PRDM7: variants seen among roughly 807,000 people sequenced by gnomAD.
PRDM7 encodes the protein PR/SET domain 7.
In PRDM7, 52 loss-of-function variants were observed where a neutral mutation model predicts 64.3. The observed-to-expected ratio is 0.81, with a 90% CI of 0.65 to 1.02. The LOEUF (loss-of-function observed/expected upper bound fraction) is 1.02. Among genes scored for constraint, PRDM7 ranks in the 50% least tolerant of loss-of-function variants. The pLI is 0.00. For missense variants in PRDM7, 574 were observed against 597.1 expected, an observed-to-expected ratio of 0.96 and a Z score of 0.40; for synonymous variants, 192 against 210.1, an observed-to-expected ratio of 0.91 and a Z score of 0.74.
chr16:90,060,751 C>A (rs2037762215), intron 9 of PRDM7, 128 bp from the exon 10 acceptor site: 1 of 1,325,770 alleles, frequency 7.5e-7, no homozygotes, highest in Admixed American at 1.8e-5. Context: ...CAAAGCCCAA[C>A]TCCAGACTTA....
In PRDM7 at chr16:90,058,379, C is replaced by T; in HGVS notation, c.1389G>A (p.Gly463=). Residue 463 remains glycine (G), a synonymous_variant, in exon 11 of 11, where the codon GGG becomes GGA. Transcript: ENST00000449207. ...GAATATTGCCGCTCCTGATTCTGAT[C>T]CCCTGGGCAGGGATTCTCTGGTTGG... is the stretch of plus-strand genomic sequence containing the variant. ...NFSNQRIPAQ[G]IRIRSGNILI... is the part of the protein sequence containing the mutation. The T allele has an allele frequency of 6.2e-7, 1 of 1,614,176 alleles. No individual in the cohort carries two copies. The highest frequency in any genetic ancestry group is 8.5e-7 in the Non-Finnish European group (1 of 1,180,042).
chr16:90,057,587 C>T lies in PRDM7; in HGVS notation c.*702G>A, dbSNP rs937097059. 8 of 576,204 alleles carry T rather than the reference C, an allele frequency of 1.4e-5. No homozygotes were observed. The African/African-American group carries it at 1.6e-4, about 11-fold the overall frequency. 35.7% of individuals were successfully genotyped at this position (576,204 alleles called of 1,614,324 possible). ...GCAAAACACAAAAAATGGAGGGGATCAGTGCGGGAAACAACCACACATGTT... is the reference window on the plus strand; with the variant it reads ...GCAAAACACAAAAAATGGAGGGGATTAGTGCGGGAAACAACCACACATGTT... On this transcript the variant is annotated 3_prime_UTR_variant, in exon 11 of 11. Transcript: ENST00000449207.
At chr16:90,074,096 T>C (rs1170937481) in intron 4 of PRDM7, among the ~76,000 whole-genome samples, 1 of 151,742 alleles carries the variant, frequency 6.6e-6, no homozygotes, top group Non-Finnish European at 1.5e-5. Flanking sequence ...AGGAGGTCAC[T>C]TCTAAATCTT....
At chr16:90,073,386 T>A (rs560236520) in intron 4 of PRDM7, among the ~76,000 whole-genome samples, 48 of 152,034 alleles carry the variant, frequency 3.2e-4, no homozygotes, top group South Asian at 2.1e-3. Context: ...TTCTTTTTTT[T>A]AAAAAAAGAA....
chr16:90,075,906 C>T lies in PRDM7; in HGVS notation c.5G>A (p.Ser2Asn), dbSNP rs780452772. The change falls in exon 2 of 11, where the codon AGC becomes AAC. Residue 2 changes from serine (S) to asparagine (N), a missense_variant. Coordinates refer to ENST00000449207, the MANE Select transcript of PRDM7 (RefSeq NM_001098173.2). This position sits in a 1 kb window ranked among gnomAD's most constrained non-coding sequence, Gnocchi z 4.3. ...GCTCTCCTCTTGGGACCTTTCAGGG[C>T]TCATGGTGCTGGGACTGTCTAGAAG... M[S>N]PERSQEESPE... 38 of 1,613,674 alleles carry T rather than the reference C, an allele frequency of 2.4e-5. 1 individual carries two copies. In the South Asian group the frequency reaches 4.1e-4, roughly 17 times the overall value.
intron 5 of PRDM7, among the ~76,000 whole-genome samples, chr16:90,065,281 T>C (rs2151308658): frequency 6.8e-6 from 1 of 146,556 alleles, no homozygotes; most frequent in African/African-American, 2.6e-5. Flanking sequence ...TAATCCCAGC[T>C]ACTCGGGAGG....
chr16:90,066,905 G>T lies in PRDM7; in HGVS notation c.307C>A (p.Pro103Thr), dbSNP rs752716181. The change falls in exon 5 of 11, where the codon CCT (proline) becomes ACT (threonine). Residue 103 changes from proline to threonine, a missense_variant. Coordinates refer to ENST00000449207, the MANE Select transcript of PRDM7 (RefSeq NM_001098173.2). ...TCTCCTCTGAAGGCCATCCAAGGAG[G>T]TTTGACTAAGAGGTGATGAGAAATC... Reference protein sequence around the residue: ...EEWTPRQQVKPPWMAFRGEQS... With the variant: ...EEWTPRQQVKTPWMAFRGEQS... The T allele has an allele frequency of 2.5e-6, 4 of 1,595,434 alleles. No individual in the cohort carries two copies. The highest frequency in any genetic ancestry group is 1.1e-5 in the South Asian group (1 of 90,858).
chr16:90,075,514 C>G lies in PRDM7; in HGVS notation c.70-40G>C. ...AGATTCCATCAGTGATTTACTAATA[C>G]ACATCGAGCTGGTCCTTTTCCTCTA... On this transcript the variant is annotated intron_variant, in intron 2 of 10. Coordinates refer to ENST00000449207, the MANE Select transcript of PRDM7 (RefSeq NM_001098173.2). This position sits in a 1 kb window ranked among gnomAD's most constrained non-coding sequence, Gnocchi z 4.3. The G allele has an allele frequency of 6.2e-7, 1 of 1,614,140 alleles. No individual in the cohort carries two copies. Among genetic ancestry groups the G allele is most frequent in the African/African-American group, 1.3e-5 (1 of 75,044 alleles).
intron 6 of PRDM7, among the ~76,000 whole-genome samples, 170 bp from the exon 7 acceptor site, chr16:90,062,672 C>T (rs1438424347): frequency 6.6e-6 from 1 of 152,346 alleles, no homozygotes; most frequent in East Asian, 1.9e-4. Flanking sequence ...CCCACACTGA[C>T]TGTAGATGCC....
Position 90,063,645 on chromosome 16 carries a change from T to G in PRDM7, c.475A>C (p.Ser159Arg). ...AGTCTAGAGTGCTGTCCAGAGGTAC[T>G]TGCTTCTCCAGGAGGGGACACTGGT... Reference protein sequence around the residue: ...QKPVSPPGEASTSGQHSRLKL... With the variant: ...QKPVSPPGEARTSGQHSRLKL... Residue 159 changes from serine (S) to arginine (R), a missense_variant, in exon 6 of 11, where the codon AGT (serine) becomes CGT (arginine). By Grantham distance (110) the Ser-to-Arg change is moderately radical. Transcript: ENST00000449207. 1 of 1,613,918 alleles carries G rather than the reference T, an allele frequency of 6.2e-7. No homozygotes were observed. The highest frequency in any genetic ancestry group is 1.1e-5 in the South Asian group (1 of 91,044).
At chr16:90,064,586 G>A (rs1388609207) in intron 5 of PRDM7, among the ~76,000 whole-genome samples, 3 of 151,648 alleles carry the variant, frequency 2.0e-5, no homozygotes, top group African/African-American at 4.8e-5. Context: ...GCTAATTTTT[G>A]TATATTTATT....
chr16:90,058,321 C>T lies in PRDM7; in HGVS notation c.1447G>A (p.Val483Ile). 6.2e-7 allele frequency: 1 copy of T among 1,614,160 alleles called. No homozygotes were observed. The highest frequency in any genetic ancestry group is 2.2e-5 in the East Asian group (1 of 44,884). Residue 483 changes from valine to isoleucine, a missense_variant, in exon 11 of 11, where the codon GTC becomes ATC. Physicochemically the swap from Val to Ile is conservative, Grantham distance 29. Transcript: ENST00000449207. ...TTTGGACCTTTCTTTGATCTCTTGA[C>T]CTTTGGTTTTGTCATTACAGCAGCG... The part of the protein sequence containing the change: ...IHAAVMTKPK[V>I]KRSKKGPNS
chr16:90,071,200 C>G (rs553512210), intron 4 of PRDM7, among the ~76,000 whole-genome samples: 24 of 151,678 alleles, frequency 1.6e-4, no homozygotes, highest in African/African-American at 4.4e-4. Flanking sequence ...GGTGTGATCT[C>G]GGCTCACTGC....
In PRDM7 at chr16:90,057,282, G is replaced by C. The variant is rs1385080083; in HGVS notation, c.*1007C>G. 6.5e-6 allele frequency: 1 copy of C among 154,592 alleles called. No homozygotes were observed. The highest frequency in any genetic ancestry group is 2.4e-5 in the African/African-American group (1 of 41,412). The allele number at this position is 154,592 out of a possible 1,614,324, so 9.6% of individuals were successfully genotyped here. A position where few individuals can be genotyped will look rare whatever the true frequency, so the allele number is the denominator to read the frequency against. On this transcript the variant is annotated 3_prime_UTR_variant, in exon 11 of 11. Coordinates refer to ENST00000449207, the MANE Select transcript of PRDM7 (RefSeq NM_001098173.2). ...CAGAGGAGAGGGGTCCATTAGAAGAGGTCACACTTCCCAGGAGACCAGGGA... is the reference window on the plus strand; with the variant it reads ...CAGAGGAGAGGGGTCCATTAGAAGACGTCACACTTCCCAGGAGACCAGGGA...
chr16:90,059,838 C>T (rs893273967), intron 10 of PRDM7, among the ~76,000 whole-genome samples: 67 of 152,358 alleles, frequency 4.4e-4, no homozygotes, highest in African/African-American at 1.6e-3. Flanking sequence ...TGTATTCGTA[C>T]GGTTCCCTAA....
chr16:90,064,125 G>A (rs1285372129), intron 5 of PRDM7, among the ~76,000 whole-genome samples: 1 of 152,188 alleles, frequency 6.6e-6, no homozygotes, highest in Non-Finnish European at 1.5e-5. Context: ...TTGATGGAAG[G>A]GGAAATGTAG....
intron 10 of PRDM7, among the ~76,000 whole-genome samples, chr16:90,059,880 T>C (rs1259452282): frequency 6.6e-6 from 1 of 152,278 alleles, no homozygotes; most frequent in Non-Finnish European, 1.5e-5. Context: ...AGCAGTTTTT[T>C]TGATTGTCTT....
intron 4 of PRDM7, among the ~76,000 whole-genome samples, chr16:90,074,349 G>A (rs2038004662): frequency 6.6e-6 from 1 of 151,928 alleles, no homozygotes; most frequent in Non-Finnish European, 1.5e-5. Context: ...GGCCAAGGCA[G>A]GCGGATCACT....
In PRDM7 at chr16:90,057,229, CA is replaced by C. The variant is rs1367488255; in HGVS notation, c.*1059del. 11 of 154,282 alleles carry C rather than the reference CA, an allele frequency of 7.1e-5. No homozygotes were observed. Among genetic ancestry groups the C allele is most frequent in the East Asian group, 3.8e-4 (2 of 5,212 alleles). The allele number at this position is 154,282 out of a possible 1,614,324, so 9.6% of individuals were successfully genotyped here. A position where few individuals can be genotyped will look rare whatever the true frequency, so the allele number is the denominator to read the frequency against. On this transcript the variant is annotated 3_prime_UTR_variant, in exon 11 of 11. Coordinates refer to ENST00000449207, the MANE Select transcript of PRDM7 (RefSeq NM_001098173.2). ...GATTGGAGGAAATCAGGAGAGGAGACAGGGGGAGCCAAGGGGGAGTATGGCA... is the reference window on the plus strand; with the variant it reads ...GATTGGAGGAAATCAGGAGAGGAGACGGGGGAGCCAAGGGGGAGTATGGCA...
Sources: gnomAD v4.1 joint callset for allele counts (sites outside exome capture counted in the v4.1 genomes callset) on GRCh38, gnomAD v4.1.1 for gene constraint, Gnocchi (gnomAD v3.1) non-coding constraint, MANE v1.5 for transcripts, NCBI Gene and HGNC (gene_info 2026-07-23, HGNC 2026-07-21) for gene names.